Variants in CAMK2D observed in about 807,000 individuals in gnomAD.
CAMK2D encodes the protein calcium/calmodulin-dependent protein kinase type II subunit delta.
CAMK2D carries 37 observed loss-of-function variants against 84.0 expected under a neutral mutation model. The ratio of observed to expected loss-of-function variants is 0.44; its 90% confidence interval spans 0.34 to 0.58. The LOEUF (loss-of-function observed/expected upper bound fraction) is 0.58, where lower values mean the gene tolerates loss of function less well. Ranked by LOEUF, CAMK2D falls within the 20% of genes least tolerant of loss-of-function variation. The pLI, the probability that CAMK2D is intolerant of heterozygous loss-of-function variation, is 0.02. For missense variants in CAMK2D, 448 were observed against 652.5 expected (o/e 0.69, Z 3.41); for synonymous variants, 202 against 212.5 (o/e 0.95, Z 0.43).
intron 2 of CAMK2D, among the ~76,000 whole-genome samples, chr4:113,663,327 T>C (rs1264667097): frequency 1.3e-5 from 2 of 152,146 alleles, no homozygotes; most frequent in Non-Finnish European, 2.9e-5. Flanking sequence ...AGCTCACCCC[T>C]GTAATCCCCG....
intron 2 of CAMK2D, among the ~76,000 whole-genome samples, chr4:113,673,838 A>C (rs1326596226): frequency 6.6e-6 from 1 of 152,256 alleles, no homozygotes; most frequent in African/African-American, 2.4e-5. Context: ...TAAAATCCTG[A>C]AATGAGACTG....
intron 12 of CAMK2D, 30 bp downstream of exon 12, chr4:113,513,298 G>A (rs1456897246): frequency 9.3e-6 from 15 of 1,609,102 alleles, no homozygotes; most frequent in Non-Finnish European, 1.2e-5. Flanking sequence ...AAGACCAAGG[G>A]ATAAGAAGCA....
At chr4:113,479,213 G>A (rs912834698) in intron 16 of CAMK2D, among the ~76,000 whole-genome samples, 2 of 152,190 alleles carry the variant, frequency 1.3e-5, no homozygotes, top group African/African-American at 2.4e-5. Flanking sequence ...TGCTTGAGAA[G>A]TGTTTAAGTA....
intron 3 of CAMK2D, among the ~76,000 whole-genome samples, chr4:113,633,667 T>G (rs1222468756): frequency 2.6e-5 from 4 of 152,316 alleles, no homozygotes; most frequent in Non-Finnish European, 5.9e-5. Context: ...GTCACTGAGA[T>G]AGTACAGAAG....
chr4:113,550,327 C>T (rs1486871211), intron 5 of CAMK2D, among the ~76,000 whole-genome samples: 1 of 152,124 alleles, frequency 6.6e-6, no homozygotes, highest in Non-Finnish European at 1.5e-5. Context: ...TGCATGCTGC[C>T]ACACCTGGCT....
At chr4:113,590,302 T>A (rs1591624968) in intron 4 of CAMK2D, among the ~76,000 whole-genome samples, 1 of 152,292 alleles carries the variant, frequency 6.6e-6, no homozygotes, top group South Asian at 2.1e-4. Flanking sequence ...AACTTGATAG[T>A]ATATTGGTTT....
chr4:113,691,858 C>T (rs926688044), intron 2 of CAMK2D, among the ~76,000 whole-genome samples: 1 of 152,188 alleles, frequency 6.6e-6, no homozygotes, highest in African/African-American at 2.4e-5. Context: ...GTGAGGGAAA[C>T]TGGCCAAATT....
chr4:113,717,669 G>C (rs1330438328), intron 2 of CAMK2D, among the ~76,000 whole-genome samples: 1 of 152,104 alleles, frequency 6.6e-6, no homozygotes, highest in Admixed American at 6.6e-5. Context: ...AGATGGTGGA[G>C]AGAGTTGAAT....
chr4:113,720,126 C>T (rs932289022), intron 2 of CAMK2D, among the ~76,000 whole-genome samples: 18 of 152,102 alleles, frequency 1.2e-4, no homozygotes, highest in Non-Finnish European at 2.1e-4. Flanking sequence ...ATCAACAGTT[C>T]TCAGATAATA....
At chr4:113,494,209 A>C (rs537271931) in intron 16 of CAMK2D, among the ~76,000 whole-genome samples, 1 of 152,270 alleles carries the variant, frequency 6.6e-6, no homozygotes, top group African/African-American at 2.4e-5. Flanking sequence ...GGAGGAGGAG[A>C]GGCACTCTGC....
In CAMK2D at chr4:113,590,471, G is replaced by T. The variant is rs1859151; in HGVS notation, c.275+18681C>A. Among the ~76,000 whole-genome samples, 138 of 152,098 alleles carry T rather than the reference G, an allele frequency of 9.1e-4. 6 individuals carry two copies. The South Asian group carries it at 0.021, about 23-fold the overall frequency. The stretch of plus-strand genomic sequence containing the variant: ...TTAACAAGAAATATAAGAAATTACA[G>T]TGAAAGTCAATGGATAATCATGATT... On this transcript the variant is annotated intron_variant, in intron 4 of 20. Coordinates refer to ENST00000511664, the MANE Select transcript of CAMK2D (RefSeq NM_001321571.2).
At chr4:113,710,017 TG>T (rs1306191302) in intron 2 of CAMK2D, among the ~76,000 whole-genome samples, 1 of 151,572 alleles carries the variant, frequency 6.6e-6, no homozygotes, top group Non-Finnish European at 1.5e-5. Flanking sequence ...TTAGGATATT[TG>T]GAAGAAAACT....
intron 2 of CAMK2D, among the ~76,000 whole-genome samples, chr4:113,716,171 T>C (rs1487498625): frequency 6.6e-6 from 1 of 152,184 alleles, no homozygotes; most frequent in Non-Finnish European, 1.5e-5. Context: ...TAGTTAAATT[T>C]AGTCTACGAT....
At chr4:113,569,651 G>T (rs188662584) in intron 4 of CAMK2D, among the ~76,000 whole-genome samples, 1 of 152,102 alleles carries the variant, frequency 6.6e-6, no homozygotes, top group Non-Finnish European at 1.5e-5. Flanking sequence ...GAATTTGAGA[G>T]AATTGGCCAA....
At chr4:113,642,963 AAAAG>A (rs540856933) in intron 3 of CAMK2D, among the ~76,000 whole-genome samples, 232 of 152,328 alleles carry the variant, frequency 1.5e-3, no homozygotes, top group African/African-American at 5.0e-3. Flanking sequence ...TCTATAAAAT[AAAAG>A]AAAGATACTA....
intron 4 of CAMK2D, among the ~76,000 whole-genome samples, chr4:113,600,296 A>C (rs2098946327): frequency 6.6e-6 from 1 of 152,178 alleles, no homozygotes; most frequent in South Asian, 2.1e-4. Flanking sequence ...TCTAGGTGAT[A>C]ATCATGTACC....
intron 4 of CAMK2D, among the ~76,000 whole-genome samples, chr4:113,594,966 G>A (rs931806477): frequency 6.6e-6 from 1 of 151,936 alleles, no homozygotes; most frequent in Non-Finnish European, 1.5e-5. Context: ...TCAGATCCAG[G>A]AAACTCAGAG....
At chr4:113,675,464 T>G (rs538318485) in intron 2 of CAMK2D, among the ~76,000 whole-genome samples, 1 of 152,208 alleles carries the variant, frequency 6.6e-6, no homozygotes, top group African/African-American at 2.4e-5. Context: ...CAAACATGAA[T>G]GGAGGTGCAG....
intron 6 of CAMK2D, among the ~76,000 whole-genome samples, chr4:113,545,663 G>C (rs924156227): frequency 2.0e-5 from 3 of 152,126 alleles, no homozygotes; most frequent in Non-Finnish European, 2.9e-5. Context: ...GTGTGTTTAT[G>C]AAATGGCCTA....
Sources: allele counts gnomAD v4.1 joint callset (sites outside exome capture counted in the v4.1 genomes callset), GRCh38; gene constraint gnomAD v4.1.1; transcripts MANE v1.5; gene names NCBI Gene and HGNC (gene_info 2026-07-23, HGNC 2026-07-21).